The following TCERG1 variants were observed in gnomAD, a reference collection of about 807,000 sequenced individuals.
The protein encoded by TCERG1 is TATA box binding protein (TBP)-associated factor, RNA polymerase II, S, 150kD.
In TCERG1, 37 loss-of-function variants were observed where a neutral mutation model predicts 144.7. That is an observed-to-expected ratio of 0.26 (90% CI 0.20 to 0.34). The LOEUF (loss-of-function observed/expected upper bound fraction) is 0.34, where lower values mean the gene tolerates loss of function less well. Among genes scored for constraint, TCERG1 ranks in the 10% least tolerant of loss-of-function variants. The pLI is 1.00. For synonymous variants in TCERG1, 492 were observed against 458.2 expected, an observed-to-expected ratio of 1.07 and a Z score of -0.94; for missense variants, 1,027 against 1,380.7, an observed-to-expected ratio of 0.74 and a Z score of 4.06.
chr5:146,467,865 C>T (rs1763928142), intron 5 of TCERG1, among the ~76,000 whole-genome samples: 1 of 152,226 alleles, frequency 6.6e-6, no homozygotes, highest in South Asian at 2.1e-4. Context: ...TAGCTTATTC[C>T]TTTTTTACTT....
rs554770550 is a variant in TCERG1, at chr5:146,503,800, A to G, written c.2599-24A>G. 6.3e-5 allele frequency: 98 copies of G among 1,566,288 alleles called. No homozygotes were observed. In the East Asian group the frequency reaches 2.1e-3, roughly 33 times the overall value. On this transcript the variant is annotated intron_variant, in intron 18 of 22. Transcript: ENST00000679501. ...TATTTTGATGGAGTTGGTAAGAAGG[A>G]TAATGTAGTTTTTGCTTTTACAGAA...
intron 22 of TCERG1, chr5:146,510,189 A>G: frequency 1.0e-6 from 1 of 964,824 alleles, no homozygotes; most frequent in Non-Finnish European, 1.4e-6. Flanking sequence ...TTACCCACCC[A>G]CCCTCAGCCC....
rs987306189 is a variant in TCERG1, at chr5:146,498,772, C to T, written c.2433+86C>T. ...CTGGTGTTATGTTTCTAACCTTATT[C>T]ATTGGCATAAATAATAGGACGTACA... On this transcript the variant is annotated intron_variant, in intron 17 of 22. Coordinates refer to ENST00000679501, the MANE Select transcript of TCERG1 (RefSeq NM_001382548.1). The T allele has an allele frequency of 1.2e-5, 17 of 1,398,130 alleles. No individual in the cohort carries two copies. The African/African-American group carries it at 2.5e-4, about 20-fold the overall frequency. 86.6% of individuals were successfully genotyped at this position (1,398,130 alleles called of 1,614,324 possible). A position where few individuals can be genotyped will look rare whatever the true frequency, so the allele number is the denominator to read the frequency against.
At chr5:146,473,067 G>A (rs1362948639) in intron 9 of TCERG1, among the ~76,000 whole-genome samples, 1 of 144,908 alleles carries the variant, frequency 6.9e-6, no homozygotes, top group Non-Finnish European at 1.5e-5. Context: ...AGTAAGGAAG[G>A]CATGTCAAAA....
At chr5:146,452,983 A>G (rs1202357729) in intron 1 of TCERG1, among the ~76,000 whole-genome samples, 1 of 152,192 alleles carries the variant, frequency 6.6e-6, no homozygotes, top group African/African-American at 2.4e-5. Context: ...GATTAATAGT[A>G]TCCATCTCAT....
intron 6 of TCERG1, among the ~76,000 whole-genome samples, 181 bp downstream of exon 6, chr5:146,468,584 G>A (rs533402569): frequency 6.6e-6 from 1 of 152,286 alleles, no homozygotes; most frequent in East Asian, 1.9e-4. Context: ...CCAATTGCCT[G>A]TAGTATTAGC....
At chr5:146,464,808 C>T (rs1561648505) in intron 5 of TCERG1, among the ~76,000 whole-genome samples, 1 of 152,152 alleles carries the variant, frequency 6.6e-6, no homozygotes, top group Non-Finnish European at 1.5e-5. Flanking sequence ...TGTAAGAATA[C>T]AGTTGTGATA....
chr5:146,480,770 TG>T (rs1330872412), intron 12 of TCERG1, among the ~76,000 whole-genome samples: 2 of 152,166 alleles, frequency 1.3e-5, no homozygotes, highest in Non-Finnish European at 2.9e-5. Flanking sequence ...AGCCAAATTA[TG>T]GCAAAGAAAT....
chr5:146,484,986 A>G (rs755440114), intron 15 of TCERG1, among the ~76,000 whole-genome samples: 5 of 152,214 alleles, frequency 3.3e-5, no homozygotes, highest in Non-Finnish European at 7.3e-5. Flanking sequence ...AAGTGATACT[A>G]AATTAAGTCA....
chr5:146,476,181 T>A lies in TCERG1; in HGVS notation c.1602-2312T>A, dbSNP rs372240763. ...GTTTGCAACTGAATTAGTCATTATTTTTAGACTTCTTTGGCAGACCCAGCT... is the reference window on the plus strand; with the variant it reads ...GTTTGCAACTGAATTAGTCATTATTATTAGACTTCTTTGGCAGACCCAGCT... On this transcript the variant is annotated intron_variant, in intron 9 of 22. Transcript: ENST00000679501. Among the ~76,000 whole-genome samples the A allele has an allele frequency of 1.1e-4, 17 of 152,296 alleles. No homozygotes were observed. In the South Asian group the frequency reaches 1.7e-3, roughly 15 times the overall value.
chr5:146,480,849 GAT>G lies in TCERG1; in HGVS notation c.1887-298_1887-297del, dbSNP rs561340224. ...TTTCTTTATTGGCAACAACATAAAA[GAT>G]ATGAAAGAATCACTCATAATTTATC... On this transcript the variant is annotated intron_variant, in intron 12 of 22. Transcript: ENST00000679501. Among the ~76,000 whole-genome samples the G allele has an allele frequency of 3.9e-5, 6 of 152,040 alleles. No individual in the cohort carries two copies. The East Asian group carries it at 9.7e-4, about 25-fold the overall frequency.
At chr5:146,452,032 C>T (rs1158662062) in intron 1 of TCERG1, among the ~76,000 whole-genome samples, 3 of 151,994 alleles carry the variant, frequency 2.0e-5, no homozygotes, top group Admixed American at 6.5e-5. Flanking sequence ...AAGTGATCTG[C>T]CCACCTCTGC....
Position 146,480,082 on chromosome 5 carries a change from C to A in TCERG1, c.1874C>A (p.Ala625Glu), listed in dbSNP as rs1561671742. The stretch of plus-strand genomic sequence containing the variant: ...ATTAATGAAGATGAGCCTGTTAAAG[C>A]AAAAAAACGGAAGTAAGTAATACAT... ...EEINEDEPVK[A>E]KKRKRMSKKS... Residue 625 changes from alanine to glutamate, a missense_variant, in exon 12 of 23, where the codon GCA becomes GAA. Physicochemically the swap from Ala to Glu is moderately radical, Grantham distance 107. Around this residue, in one of 6 missense-constraint regions of TCERG1, gnomAD observed 482 missense variants for 632.6 expected, o/e 0.76. Coordinates refer to ENST00000679501, the MANE Select transcript of TCERG1 (RefSeq NM_001382548.1). 2 of 1,590,138 alleles carry A rather than the reference C, an allele frequency of 1.3e-6. No homozygotes were observed. The highest frequency in any genetic ancestry group is 1.7e-6 in the Non-Finnish European group (2 of 1,169,814).
intron 8 of TCERG1, 123 bp downstream of exon 8, chr5:146,470,871 A>G: frequency 2.8e-6 from 2 of 705,936 alleles, no homozygotes; most frequent in Non-Finnish European, 4.3e-6. Context: ...CTGAAATTTT[A>G]GGATTCTTGC....
intron 11 of TCERG1, 57 bp from the exon 12 acceptor site, chr5:146,479,971 G>T (rs1765192839): frequency 2.5e-6 from 4 of 1,594,376 alleles, no homozygotes; most frequent in Non-Finnish European, 3.4e-6. Context: ...AAGTGTTCTG[G>T]TAGTGATTAG....
chr5:146,482,777 T>G, intron 14 of TCERG1, 50 bp downstream of exon 14: 1 of 1,515,696 alleles, frequency 6.6e-7, no homozygotes, highest in East Asian at 2.4e-5. Context: ...ATAAGTAATA[T>G]AAATATGTCT....
chr5:146,488,005 C>T (rs981464193), intron 15 of TCERG1, among the ~76,000 whole-genome samples: 1 of 152,030 alleles, frequency 6.6e-6, no homozygotes, highest in Non-Finnish European at 1.5e-5. Flanking sequence ...GTGGCAAGAA[C>T]AGTCTCTTCA....
intron 22 of TCERG1, 115 bp downstream of exon 22, chr5:146,509,360 T>C: frequency 1.4e-6 from 1 of 693,934 alleles, no homozygotes; most frequent in Non-Finnish European, 2.4e-6. Flanking sequence ...TTTTTAGGGA[T>C]AAGAAGATAC....
At chr5:146,503,647 T>G (rs1202014783) in intron 18 of TCERG1, 108 bp downstream of exon 18, 2 of 1,425,800 alleles carry the variant, frequency 1.4e-6, no homozygotes, top group Non-Finnish European at 1.9e-6. Flanking sequence ...GGATTTTTTC[T>G]TGTTAGTATT....
Sources: allele counts gnomAD v4.1 joint callset (sites outside exome capture counted in the v4.1 genomes callset), GRCh38; gene constraint gnomAD v4.1.1; regional missense constraint gnomAD v4.1.1; transcripts MANE v1.5; gene names NCBI Gene and HGNC (gene_info 2026-07-23, HGNC 2026-07-21).